COL24A1: variants seen among roughly 807,000 people sequenced by gnomAD.
The protein encoded by COL24A1 is collagen type XXIV alpha 1 chain.
COL24A1 carries 224 observed loss-of-function variants against 253.9 expected under a neutral mutation model. The ratio of observed to expected loss-of-function variants is 0.88; its 90% CI spans 0.79 to 0.99. The LOEUF (loss-of-function observed/expected upper bound fraction) is 0.99, where lower values mean the gene tolerates loss of function less well. COL24A1 is among the 50% of genes least tolerant of loss of function. COL24A1 has a pLI of 0.00. For missense variants in COL24A1, 2,131 were observed against 2,068.5 expected (o/e 1.03, Z -0.59); for synonymous variants, 685 against 673.7 (o/e 1.02, Z -0.26).
intron 53 of COL24A1, among the ~76,000 whole-genome samples, chr1:85,773,989 A>T (rs1668258689): frequency 6.6e-6 from 1 of 152,130 alleles, no homozygotes; most frequent in African/African-American, 2.4e-5. Context: ...CCTATTCAGT[A>T]TGATATTGGC....
chr1:85,819,870 C>T (rs1415098278), intron 45 of COL24A1, among the ~76,000 whole-genome samples: 1 of 139,938 alleles, frequency 7.1e-6, no homozygotes, highest in Non-Finnish European at 1.5e-5. Flanking sequence ...TTTTTTGAGA[C>T]AGAGTCTCAC....
At chr1:86,026,068 T>C (rs374137617) in intron 14 of COL24A1, among the ~76,000 whole-genome samples, 3 of 152,232 alleles carry the variant, frequency 2.0e-5, no homozygotes, top group Non-Finnish European at 4.4e-5. Flanking sequence ...TTGCCAAAAA[T>C]AGGAATTTTA....
In COL24A1 at chr1:86,022,877, C is replaced by T. The variant is rs758878506; in HGVS notation, c.2104G>A (p.Gly702Ser). The T allele has an allele frequency of 2.5e-6, 4 of 1,606,268 alleles. No individual in the cohort carries two copies. The highest frequency in any genetic ancestry group is 1.1e-5 in the South Asian group (1 of 89,458). The change falls in exon 16 of 60, where the codon GGC becomes AGC. Residue 702 changes from glycine to serine, a missense_variant and splice_region_variant. Gly to Ser is a moderately conservative substitution (Grantham distance 56). Transcript: ENST00000370571. Reference sequence around the variant, plus strand: ...GGTAGTCCTTTATTCCCTGAAAGGCCCTACAAAAAAAGGTGACATTTTGTG... The same window carrying T: ...GGTAGTCCTTTATTCCCTGAAAGGCTCTACAAAAAAAGGTGACATTTTGTG... ...IGPAGIPGPMGLSGNKGLPGI... is the reference protein window; with the variant it reads ...IGPAGIPGPMSLSGNKGLPGI...
intron 47 of COL24A1, among the ~76,000 whole-genome samples, chr1:85,796,674 T>C (rs1307660523): frequency 1.3e-5 from 2 of 152,196 alleles, no homozygotes; most frequent in African/African-American, 4.8e-5. Context: ...TTTGAATGAA[T>C]GCATGTAAGC....
chr1:85,859,591 T>C (rs1321617483), intron 37 of COL24A1, among the ~76,000 whole-genome samples: 1 of 150,394 alleles, frequency 6.6e-6, no homozygotes, highest in Non-Finnish European at 1.5e-5. Flanking sequence ...CAAGGATATG[T>C]TGTTGTTATA....
At chr1:86,007,670 C>T (rs648833) in intron 19 of COL24A1, among the ~76,000 whole-genome samples, 108,082 of 152,010 alleles carry the variant, frequency 0.71, 39,739 homozygotes, top group African/African-American at 0.88. Flanking sequence ...CATGGAGGAA[C>T]CTTAATTGCA....
chr1:85,961,111 C>T (rs905353339), intron 24 of COL24A1, 138 bp downstream of exon 24: 4 of 674,596 alleles, frequency 5.9e-6, no homozygotes, highest in African/African-American at 3.7e-5. Context: ...AGAAACATCA[C>T]AAGTAAGTTT....
At chr1:85,832,378 C>T (rs150445177) in intron 43 of COL24A1, among the ~76,000 whole-genome samples, 182 of 152,004 alleles carry the variant, frequency 1.2e-3, no homozygotes, top group African/African-American at 4.2e-3. Flanking sequence ...CCAGCTTTGT[C>T]CTTTTGGCTT....
intron 12 of COL24A1, among the ~76,000 whole-genome samples, chr1:86,039,869 A>C (rs1482440189): frequency 6.6e-6 from 1 of 152,162 alleles, no homozygotes; most frequent in Admixed American, 6.5e-5. Flanking sequence ...GTGATGATCT[A>C]ATCTTTTCAC....
At chr1:85,909,906 T>C (rs770972764) in intron 26 of COL24A1, 44 bp downstream of exon 26, 14 of 1,512,536 alleles carry the variant, frequency 9.3e-6, no homozygotes, top group Non-Finnish European at 1.3e-5. Flanking sequence ...CTTGCTTTTA[T>C]TGCATTCTTT....
intron 24 of COL24A1, among the ~76,000 whole-genome samples, chr1:85,926,933 G>C (rs952211392): frequency 2.6e-5 from 4 of 152,166 alleles, no homozygotes; most frequent in African/African-American, 9.7e-5. Flanking sequence ...ATGTGGGAAG[G>C]TTTAAGAAGG....
At chr1:86,119,720 C>T (rs1003911432) in intron 3 of COL24A1, among the ~76,000 whole-genome samples, 1 of 152,218 alleles carries the variant, frequency 6.6e-6, no homozygotes, top group South Asian at 2.1e-4. Context: ...ATATACCATT[C>T]TGAAACAAAT....
intron 2 of COL24A1, among the ~76,000 whole-genome samples, chr1:86,131,978 A>G (rs1008656283): frequency 2.0e-5 from 3 of 152,180 alleles, no homozygotes; most frequent in Non-Finnish European, 4.4e-5. Context: ...AGTCCCACCA[A>G]CAGTGTAAAA....
chr1:85,745,625 G>T (rs766810819), intron 55 of COL24A1, 119 bp from the exon 56 acceptor site: 2 of 650,448 alleles, frequency 3.1e-6, no homozygotes, highest in South Asian at 2.8e-5. Flanking sequence ...TATCTGAAGG[G>T]GTTCTGTAAC....
At chr1:85,734,487 G>A (rs912494537) in intron 59 of COL24A1, among the ~76,000 whole-genome samples, 3 of 152,030 alleles carry the variant, frequency 2.0e-5, no homozygotes, top group African/African-American at 4.8e-5. Context: ...TTCATATAGG[G>A]AATAAAAATT....
At chr1:86,097,478 CTCCTCCTCCT>C (rs1288355135) in intron 5 of COL24A1, among the ~76,000 whole-genome samples, 1 of 48,742 alleles carries the variant, frequency 2.1e-5, no homozygotes, top group Non-Finnish European at 4.7e-5. Flanking sequence ...CTCCTCCTCC[CTCCTCCTCCT>C]CCCTCCTCCT....
At chr1:85,951,553 A>C (rs1279862840) in intron 24 of COL24A1, among the ~76,000 whole-genome samples, 3 of 152,326 alleles carry the variant, frequency 2.0e-5, no homozygotes, top group African/African-American at 7.2e-5. Context: ...AAGTGTAGGA[A>C]TAACAACTGT....
intron 7 of COL24A1, among the ~76,000 whole-genome samples, chr1:86,084,406 C>T (rs868235725): frequency 1.3e-5 from 2 of 152,196 alleles, no homozygotes; most frequent in Admixed American, 6.5e-5. Flanking sequence ...TCCACCTTCT[C>T]ACTTAGAACA....
At chr1:85,776,005 A>G (rs887148869) in intron 52 of COL24A1, among the ~76,000 whole-genome samples, 1 of 152,212 alleles carries the variant, frequency 6.6e-6, no homozygotes, top group Non-Finnish European at 1.5e-5. Context: ...TCTGACAATC[A>G]TATACAAAGC....
Sources: allele counts gnomAD v4.1 joint callset (sites outside exome capture counted in the v4.1 genomes callset), GRCh38; gene constraint gnomAD v4.1.1; transcripts MANE v1.5; gene names NCBI Gene and HGNC (gene_info 2026-07-23, HGNC 2026-07-21).